RPS6KA3: variants seen among roughly 807,000 people sequenced by gnomAD.
RPS6KA3 encodes ribosomal protein S6 kinase A3.
A neutral mutation model predicts 67.2 loss-of-function variants in RPS6KA3; 4 were observed. The observed-to-expected ratio is 0.06, with a 90% confidence interval of 0.03 to 0.14. The LOEUF is 0.14. Among genes scored for constraint, RPS6KA3 ranks in the 10% least tolerant of loss-of-function variants. The pLI is 1.00. For missense variants in RPS6KA3, 204 were observed against 559.0 expected (o/e 0.36, Z 6.40); for synonymous variants, 182 against 183.7 (o/e 0.99, Z 0.07).
chrX:20,252,941 T>G (rs1434383806), intron 1 of RPS6KA3, among the ~76,000 whole-genome samples: 2 of 111,013 alleles, frequency 1.8e-5, no homozygotes, highest in African/African-American at 3.3e-5. Flanking sequence ...GAGTATGGAT[T>G]AGCCCTGGCT....
At chrX:20,234,916 A>AC in intron 1 of RPS6KA3, 102 bp from the exon 2 acceptor site, 1 of 606,705 alleles carries the variant, frequency 1.6e-6, no homozygotes, top group South Asian at 2.4e-5. Flanking sequence ...GAAGATTTTC[A>AC]CCCCTAAAGG....
chrX:20,259,109 T>C (rs1038646892), intron 1 of RPS6KA3, among the ~76,000 whole-genome samples: 3 of 111,867 alleles, frequency 2.7e-5, no homozygotes. Context: ...TTGTACATGA[T>C]GAGCAGAGAC....
At chrX:20,254,404 A>T (rs1444624456) in intron 1 of RPS6KA3, among the ~76,000 whole-genome samples, 1 of 112,110 alleles carries the variant, frequency 8.9e-6, no homozygotes, top group Non-Finnish European at 1.9e-5. Context: ...TATAACCAAT[A>T]TTTAATTCTT....
At chrX:20,234,630 A>C in intron 2 of RPS6KA3, 128 bp downstream of exon 2, 2 of 518,904 alleles carry the variant, frequency 3.9e-6, no homozygotes, top group South Asian at 5.3e-5. Context: ...GTAGTCTGGT[A>C]AAGTTAATGT....
intron 1 of RPS6KA3, among the ~76,000 whole-genome samples, chrX:20,236,113 G>A (rs904931008): frequency 1.8e-5 from 2 of 110,421 alleles, no homozygotes; most frequent in Non-Finnish European, 3.8e-5. Flanking sequence ...ATATTCCAAT[G>A]TATATATTTT....
At chrX:20,157,724 A>G (rs1255935517) in intron 20 of RPS6KA3, among the ~76,000 whole-genome samples, 2 of 110,658 alleles carry the variant, frequency 1.8e-5, no homozygotes, top group African/African-American at 6.6e-5. Context: ...GATAAGCAGG[A>G]GCTAGATTAG....
intron 2 of RPS6KA3, among the ~76,000 whole-genome samples, chrX:20,228,170 T>C (rs1338036150): frequency 8.9e-6 from 1 of 112,293 alleles, no homozygotes. Context: ...TTTCCCTGCA[T>C]TGTTTGTTCC....
intron 2 of RPS6KA3, among the ~76,000 whole-genome samples, chrX:20,233,956 T>C (rs2069340582): frequency 8.9e-6 from 1 of 112,023 alleles, no homozygotes; most frequent in Non-Finnish European, 1.9e-5. Flanking sequence ...TGTGTGGTGG[T>C]AGGGAACAAT....
chrX:20,172,236 G>C (rs768165232), intron 15 of RPS6KA3, among the ~76,000 whole-genome samples: 4 of 112,245 alleles, frequency 3.6e-5, no homozygotes, highest in Non-Finnish European at 5.6e-5. Context: ...CTTTATCGTA[G>C]AGCTAGGTTC....
chrX:20,185,689 T>G, intron 10 of RPS6KA3, among the ~76,000 whole-genome samples: 1 of 112,106 alleles, frequency 8.9e-6, no homozygotes, highest in Admixed American at 9.5e-5. Context: ...TTTACTTTTT[T>G]GCTTGACTTA....
At position 20,195,161 on chromosome X, in the gene RPS6KA3, T is replaced by C. The variant is rs1349940414; in HGVS notation, c.326-16A>G. On this transcript the variant is annotated splice_polypyrimidine_tract_variant and intron_variant, in intron 4 of 21. Coordinates refer to ENST00000379565, the MANE Select transcript of RPS6KA3 (RefSeq NM_004586.3). ...CGGTCTCGAACTATAAAAGATTGTA[T>C]GTATGCTACATTGTAATATCTTTCA... 9 of 1,016,663 alleles carry C rather than the reference T, an allele frequency of 8.9e-6. No homozygotes were observed. The highest frequency in any genetic ancestry group is 1.9e-5 in the South Asian group (1 of 52,508). The allele number at this position is 1,016,663 out of a possible 1,213,427, so 83.8% of individuals were successfully genotyped here. A position where few individuals can be genotyped will look rare whatever the true frequency, so the allele number is the denominator to read the frequency against.
At chrX:20,235,552 C>G (rs1417104050) in intron 1 of RPS6KA3, 2 of 111,090 alleles carry the variant, frequency 1.8e-5, no homozygotes, top group Non-Finnish European at 3.8e-5. Flanking sequence ...AAGAGTTCAG[C>G]CTTAGTACTC....
At chrX:20,224,225 G>C (rs1640703634) in intron 2 of RPS6KA3, among the ~76,000 whole-genome samples, 1 of 111,218 alleles carries the variant, frequency 9.0e-6, no homozygotes, top group African/African-American at 3.3e-5. Context: ...CAGGTAATTT[G>C]GTTTGGGGAA....
intron 7 of RPS6KA3, among the ~76,000 whole-genome samples, chrX:20,190,150 T>C (rs1429952146): frequency 8.9e-6 from 1 of 111,845 alleles, no homozygotes; most frequent in Admixed American, 9.6e-5. Context: ...GCAAATGCAT[T>C]CTTCTAAGAT....
At chrX:20,229,167 G>A (rs2069197234) in intron 2 of RPS6KA3, among the ~76,000 whole-genome samples, 1 of 110,247 alleles carries the variant, frequency 9.1e-6, no homozygotes, top group African/African-American at 3.3e-5. Flanking sequence ...GCATACTTTT[G>A]GGTGAAGAGG....
chrX:20,218,414 T>C (rs970362105), intron 2 of RPS6KA3, among the ~76,000 whole-genome samples: 1 of 111,842 alleles, frequency 8.9e-6, no homozygotes, highest in Non-Finnish European at 1.9e-5. Flanking sequence ...CCCACTAAAG[T>C]TGTTTTCATT....
intron 1 of RPS6KA3, among the ~76,000 whole-genome samples, chrX:20,237,965 T>A (rs980531286): frequency 1.8e-5 from 2 of 111,437 alleles, no homozygotes; most frequent in Admixed American, 1.9e-4. Flanking sequence ...ATAGCAACTT[T>A]CCTCAGCTGT....
chrX:20,162,114 G>A (rs767060986), intron 19 of RPS6KA3, among the ~76,000 whole-genome samples: 2 of 109,553 alleles, frequency 1.8e-5, no homozygotes, highest in South Asian at 7.8e-4. Context: ...GAGGTGGGCG[G>A]ATCACGAGGT....
chrX:20,156,997 C>T (rs1274826628), intron 20 of RPS6KA3, among the ~76,000 whole-genome samples: 1 of 111,230 alleles, frequency 9.0e-6, no homozygotes, highest in African/African-American at 3.3e-5. Flanking sequence ...CAAAAGCAAC[C>T]CATGGGCATT....
Sources: allele counts gnomAD v4.1 joint callset (sites outside exome capture counted in the v4.1 genomes callset), GRCh38; gene constraint gnomAD v4.1.1; transcripts MANE v1.5; gene names NCBI Gene and HGNC (gene_info 2026-07-23, HGNC 2026-07-21).